SSBP3: variants seen among roughly 807,000 people sequenced by gnomAD.
SSBP3 encodes single stranded DNA binding protein 3.
Under a neutral mutation model 69.6 loss-of-function variants are expected in SSBP3, and 5 were observed. The observed-to-expected ratio is 0.07, with a 90% confidence interval of 0.04 to 0.15. SSBP3 has a LOEUF of 0.15. Among genes scored for constraint, SSBP3 ranks in the 10% least tolerant of loss-of-function variants. The probability of loss-of-function intolerance (pLI) is 1.00; values close to 1 mark genes in which losing one functional copy is unlikely to be tolerated. For synonymous variants in SSBP3, 196 were observed against 193.4 expected, an observed-to-expected ratio of 1.01 and a Z score of -0.11; for missense variants, 312 against 534.0, an observed-to-expected ratio of 0.58 and a Z score of 4.10.
At chr1:54,276,898 G>C (rs1645298600) in intron 5 of SSBP3, among the ~76,000 whole-genome samples, 1 of 152,060 alleles carries the variant, frequency 6.6e-6, no homozygotes, top group African/African-American at 2.4e-5. Context: ...TCTCAGCCAG[G>C]GCTGCACTGC....
intron 4 of SSBP3, among the ~76,000 whole-genome samples, chr1:54,294,808 A>G (rs1645675977): frequency 2.0e-5 from 3 of 152,166 alleles, no homozygotes; most frequent in Non-Finnish European, 4.4e-5. Context: ...CCACTTTCCC[A>G]TAGGCTTTGG....
chr1:54,378,988 C>A (rs1311126959), intron 4 of SSBP3, among the ~76,000 whole-genome samples: 1 of 152,208 alleles, frequency 6.6e-6, no homozygotes, highest in Non-Finnish European at 1.5e-5. Flanking sequence ...AGGCCAGACA[C>A]AAGACGCTGG....
intron 4 of SSBP3, among the ~76,000 whole-genome samples, chr1:54,392,656 T>C (rs1208221593): frequency 1.3e-5 from 2 of 152,192 alleles, no homozygotes; most frequent in Admixed American, 6.5e-5. Flanking sequence ...CTTAGCACAG[T>C]TGATGCCTGG....
chr1:54,344,502 C>CTTCT (rs1646657734), intron 4 of SSBP3, among the ~76,000 whole-genome samples: 2 of 152,156 alleles, frequency 1.3e-5, no homozygotes, highest in African/African-American at 4.8e-5. Context: ...GTTCAAGACA[C>CTTCT]TTCTGTGGGT....
intron 4 of SSBP3, among the ~76,000 whole-genome samples, chr1:54,282,769 C>G (rs1478441488): frequency 6.6e-6 from 1 of 152,220 alleles, no homozygotes; most frequent in Non-Finnish European, 1.5e-5. Flanking sequence ...ACAGGAAGCC[C>G]ACCTCCAACC....
upstream of SSBP3, among the ~76,000 whole-genome samples, chr1:54,411,126 C>T (rs1649978971): frequency 6.6e-6 from 1 of 152,224 alleles, no homozygotes; most frequent in Admixed American, 6.5e-5. Flanking sequence ...AATTTGAAAG[C>T]ACCCATGTGC....
intron 5 of SSBP3, among the ~76,000 whole-genome samples, chr1:54,269,973 C>T (rs559851194): frequency 6.6e-6 from 1 of 152,336 alleles, no homozygotes; most frequent in East Asian, 1.9e-4. Context: ...GGCTGCCCTA[C>T]CTCCCAACCC....
At chr1:54,411,558 G>A (rs12122391) in intron 1 of SSBP3, among the ~76,000 whole-genome samples, 70,966 of 151,328 alleles carry the variant, frequency 0.47, 18,047 homozygotes, top group Admixed American at 0.58. Flanking sequence ...GGAGTCCGCG[G>A]CGGGAGGATC....
chr1:54,272,735 G>A (rs1038465369), intron 5 of SSBP3, among the ~76,000 whole-genome samples: 2 of 152,182 alleles, frequency 1.3e-5, no homozygotes, highest in African/African-American at 4.8e-5. Context: ...CAGGCACAGG[G>A]AAAAATCACT....
At chr1:54,331,360 T>C (rs1387354702) in intron 4 of SSBP3, among the ~76,000 whole-genome samples, 2 of 152,180 alleles carry the variant, frequency 1.3e-5, no homozygotes, top group East Asian at 3.8e-4. Flanking sequence ...CACGTCCAGA[T>C]ACTTGGGTTC....
chr1:54,277,768 A>G (rs1383685721), intron 5 of SSBP3, among the ~76,000 whole-genome samples: 4 of 152,286 alleles, frequency 2.6e-5, no homozygotes, highest in Admixed American at 6.5e-5. Context: ...TCCTTACTGG[A>G]CAGTGCCCTC....
intron 9 of SSBP3, among the ~76,000 whole-genome samples, chr1:54,244,583 G>A (rs1644701867): frequency 6.6e-6 from 1 of 152,204 alleles, no homozygotes; most frequent in Admixed American, 6.5e-5. Context: ...AACTCACGAA[G>A]TCCCAGCAGT....
At chr1:54,239,160 T>C (rs770636084) in exon 14 of SSBP3, 2 of 1,614,128 alleles carry the variant, frequency 1.2e-6, no homozygotes, top group Admixed American at 3.3e-5. Flanking sequence ...CGGCACTGGA[T>C]TAATCATTGT....
chr1:54,298,324 A>G (rs1556530), intron 4 of SSBP3, among the ~76,000 whole-genome samples: 37,633 of 151,800 alleles, frequency 0.25, 5,431 homozygotes, highest in Middle Eastern at 0.38. Flanking sequence ...ACGAACCCAG[A>G]CTCACGAAGA....
intron 4 of SSBP3, among the ~76,000 whole-genome samples, chr1:54,337,484 G>GTT (rs1203018944): frequency 5.1e-5 from 4 of 78,898 alleles, no homozygotes; most frequent in Non-Finnish European, 8.8e-5. Flanking sequence ...TTTTCCTCAA[G>GTT]CTTTTTTTTT....
At chr1:54,373,315 T>C (rs1048610688) in intron 4 of SSBP3, among the ~76,000 whole-genome samples, 9 of 152,128 alleles carry the variant, frequency 5.9e-5, no homozygotes, top group African/African-American at 2.2e-4. Flanking sequence ...GCCTCTTCCC[T>C]GTCTGGGACT....
chr1:54,328,877 T>C (rs1178428144), intron 4 of SSBP3, among the ~76,000 whole-genome samples: 2 of 152,164 alleles, frequency 1.3e-5, no homozygotes, highest in African/African-American at 2.4e-5. Context: ...CAGGCCCTAC[T>C]TCCTCCACAT....
chr1:54,225,671 G>T, exon 18 of SSBP3: 1 of 235,408 alleles, frequency 4.2e-6, no homozygotes, highest in East Asian at 8.1e-5. Flanking sequence ...ACAAAGACCA[G>T]CTACAGGGGA....
chr1:54,257,291 C>T, intron 6 of SSBP3, 105 bp from the exon 7 acceptor site: 1 of 979,548 alleles, frequency 1.0e-6, no homozygotes. Context: ...AACTAGTGAT[C>T]TTTTAAGTTC....
Sources: allele counts gnomAD v4.1 joint callset (sites outside exome capture counted in the v4.1 genomes callset), GRCh38; gene constraint gnomAD v4.1.1; transcripts MANE v1.5; gene names NCBI Gene and HGNC (gene_info 2026-07-23, HGNC 2026-07-21).